Variants in PRELID2 observed in about 807,000 individuals in gnomAD.
The protein encoded by PRELID2 is PRELI domain-containing protein 2.
In PRELID2, 25 loss-of-function variants were observed where a neutral mutation model predicts 28.4. The ratio of observed to expected loss-of-function variants is 0.88; its 90% CI spans 0.64 to 1.23. PRELID2 has a LOEUF of 1.23. Ranked by LOEUF, PRELID2 falls within the 50% of genes most tolerant of loss-of-function variation. PRELID2 has a pLI of 0.00. For missense variants in PRELID2, 201 were observed against 214.4 expected (o/e 0.94, Z 0.39); for synonymous variants, 76 against 71.6 (o/e 1.06, Z -0.31).
At chr5:145,398,062 G>A in the PRELID2 span, among the ~76,000 whole-genome samples, 1 of 152,036 alleles carries the variant, frequency 6.6e-6, no homozygotes, top group South Asian at 2.1e-4. Flanking sequence ...AAATCCCCAT[G>A]GCCTCATCTT....
chr5:145,565,526 T>C (rs1307524132), intron 1 of PRELID2, among the ~76,000 whole-genome samples: 1 of 152,256 alleles, frequency 6.6e-6, no homozygotes, highest in Non-Finnish European at 1.5e-5. Context: ...AATGCAGTAA[T>C]GCAGGCCACT....
chr5:145,404,222 GATA>G, the PRELID2 span, among the ~76,000 whole-genome samples: 1 of 152,176 alleles, frequency 6.6e-6, no homozygotes, highest in Non-Finnish European at 1.5e-5. Context: ...GAAAATGTAT[GATA>G]TATTGGAAGC....
chr5:145,731,671 A>T (rs1398673619), intron 1 of PRELID2, among the ~76,000 whole-genome samples: 3 of 152,174 alleles, frequency 2.0e-5, no homozygotes, highest in African/African-American at 7.2e-5. Flanking sequence ...GAAGTTGTCA[A>T]ATTTAGCAAA....
chr5:145,588,526 C>G (rs1409798354), intron 1 of PRELID2, among the ~76,000 whole-genome samples: 1 of 152,202 alleles, frequency 6.6e-6, no homozygotes, highest in East Asian at 1.9e-4. Context: ...ATACTCACAT[C>G]TATATGTAGA....
intron 1 of PRELID2, among the ~76,000 whole-genome samples, chr5:145,646,035 T>A (rs1754191078): frequency 6.6e-6 from 1 of 152,202 alleles, no homozygotes; most frequent in Non-Finnish European, 1.5e-5. Flanking sequence ...TTGAAGTGTA[T>A]CTTTGTGGTC....
intron 3 of PRELID2, 121 bp from the exon 4 acceptor site, chr5:145,818,175 G>A (rs750693728): frequency 2.6e-4 from 261 of 996,918 alleles, no homozygotes; most frequent in Non-Finnish European, 3.6e-4. Context: ...ATACATGGAT[G>A]ATGGCTCACC....
the PRELID2 span, among the ~76,000 whole-genome samples, chr5:145,353,687 C>T: frequency 1.9e-3 from 284 of 152,132 alleles, no homozygotes; most frequent in South Asian, 2.7e-3. Context: ...CTCATGAGAA[C>T]TCACTCATTA....
intron 1 of PRELID2, among the ~76,000 whole-genome samples, chr5:145,509,253 T>C (rs1473026530): frequency 6.6e-6 from 1 of 152,234 alleles, no homozygotes; most frequent in Non-Finnish European, 1.5e-5. Flanking sequence ...ATACACTTTC[T>C]CGTCGAAAGC....
intron 1 of PRELID2, among the ~76,000 whole-genome samples, chr5:145,573,963 C>T (rs1242001451): frequency 2.0e-5 from 3 of 152,028 alleles, no homozygotes; most frequent in Non-Finnish European, 2.9e-5. Context: ...GTCTTTTCTC[C>T]CTGGAAACAA....
At chr5:145,286,920 G>A in the PRELID2 span, among the ~76,000 whole-genome samples, 2 of 152,010 alleles carry the variant, frequency 1.3e-5, no homozygotes, top group South Asian at 4.1e-4. Context: ...ATATTGGCCA[G>A]GCTGGTCTTG....
At chr5:145,280,181 C>T in the PRELID2 span, among the ~76,000 whole-genome samples, 4 of 152,006 alleles carry the variant, frequency 2.6e-5, no homozygotes, top group African/African-American at 7.2e-5. Flanking sequence ...TGAAACATGC[C>T]GGCCCCCTCC....
chr5:145,419,719 A>C, the PRELID2 span, among the ~76,000 whole-genome samples: 1 of 152,082 alleles, frequency 6.6e-6, no homozygotes, highest in Admixed American at 6.5e-5. Context: ...TGCTGTGCAG[A>C]AGCTCTTTAG....
At chr5:145,372,770 G>A in the PRELID2 span, among the ~76,000 whole-genome samples, 4 of 149,396 alleles carry the variant, frequency 2.7e-5, no homozygotes, top group African/African-American at 9.8e-5. Flanking sequence ...TCCTGAATAT[G>A]GCATACCAAT....
At chr5:145,541,336 T>C (rs925799308) in intron 1 of PRELID2, among the ~76,000 whole-genome samples, 24 of 152,064 alleles carry the variant, frequency 1.6e-4, no homozygotes, top group Non-Finnish European at 3.1e-4. Context: ...TTAATCCTTA[T>C]AGCAACATTA....
chr5:145,376,739 T>G, the PRELID2 span, among the ~76,000 whole-genome samples: 1 of 152,188 alleles, frequency 6.6e-6, no homozygotes, highest in Non-Finnish European at 1.5e-5. Flanking sequence ...AATGGTAATA[T>G]CTCCCTTGTT....
chr5:145,330,415 G>T, the PRELID2 span, among the ~76,000 whole-genome samples: 101 of 152,208 alleles, frequency 6.6e-4, 1 homozygote, highest in African/African-American at 2.2e-3. Context: ...AGCTATATTT[G>T]GTTGGTAGAC....
At chr5:145,394,009 G>A in the PRELID2 span, among the ~76,000 whole-genome samples, 5 of 152,176 alleles carry the variant, frequency 3.3e-5, no homozygotes, top group East Asian at 7.7e-4. Flanking sequence ...CAACCATTGT[G>A]GAAGTCAGTG....
At chr5:145,696,304 A>G (rs1258141710) in intron 1 of PRELID2, among the ~76,000 whole-genome samples, 3 of 151,914 alleles carry the variant, frequency 2.0e-5, no homozygotes, top group Admixed American at 2.0e-4. Flanking sequence ...ACACAAAAAT[A>G]TCACACATCT....
intron 1 of PRELID2, among the ~76,000 whole-genome samples, chr5:145,492,490 T>C (rs1752278128): frequency 7.1e-6 from 1 of 141,762 alleles, no homozygotes; most frequent in African/African-American, 2.5e-5. Flanking sequence ...CTGTTGGTTG[T>C]TACCTTTGTT....
Sources: allele counts gnomAD v4.1 joint callset (sites outside exome capture counted in the v4.1 genomes callset), GRCh38; gene constraint gnomAD v4.1.1; transcripts MANE v1.5; gene names NCBI Gene and HGNC (gene_info 2026-07-23, HGNC 2026-07-21).